SSBP2: variants seen among roughly 807,000 people sequenced by gnomAD.
The protein encoded by SSBP2 is single stranded DNA binding protein 2, also known as single-stranded DNA-binding protein 2.
SSBP2 carries 17 observed loss-of-function variants against 61.8 expected under a neutral mutation model. That is an observed-to-expected ratio of 0.28 (90% CI 0.19 to 0.41). The LOEUF (loss-of-function observed/expected upper bound fraction) is 0.41, where lower values mean the gene tolerates loss of function less well. SSBP2 is among the 10% of genes least tolerant of loss of function. The pLI is 1.00. For synonymous variants in SSBP2, 139 were observed against 141.3 expected, an observed-to-expected ratio of 0.98 and a Z score of 0.12; for missense variants, 310 against 458.7, an observed-to-expected ratio of 0.68 and a Z score of 2.96.
chr5:81,736,345 GA>G (rs1474609821), intron 1 of SSBP2, among the ~76,000 whole-genome samples: 1 of 152,120 alleles, frequency 6.6e-6, no homozygotes, highest in Non-Finnish European at 1.5e-5. Context: ...CACAGAGCAG[GA>G]TGCTGAAAAA....
At chr5:81,505,466 T>C (rs952111432) in intron 5 of SSBP2, among the ~76,000 whole-genome samples, 58 of 152,214 alleles carry the variant, frequency 3.8e-4, no homozygotes, top group Non-Finnish European at 3.5e-4. Context: ...AAATGCCTGT[T>C]CCTTATCTTT....
chr5:81,534,690 A>C lies in SSBP2; in HGVS notation c.283-20973T>G, dbSNP rs187694258. Among the ~76,000 whole-genome samples, 412 of 152,236 alleles carry C rather than the reference A, an allele frequency of 2.7e-3. 3 individuals carry two copies. The highest frequency in any genetic ancestry group is 9.5e-3 in the African/African-American group (393 of 41,558). On this transcript the variant is annotated intron_variant, in intron 4 of 16. Transcript: ENST00000320672. The stretch of plus-strand genomic sequence containing the variant: ...TCAAGAGAAAAAAGACTTAAGAAAC[A>C]CAACAGAATATCCAAGAACTGTGGA...
chr5:81,584,990 G>T (rs1286879412), intron 4 of SSBP2, among the ~76,000 whole-genome samples: 1 of 151,938 alleles, frequency 6.6e-6, no homozygotes, highest in Admixed American at 6.6e-5. Context: ...TAATAAAAGA[G>T]AAATACATAA....
At chr5:81,479,945 A>G (rs1369690322) in intron 6 of SSBP2, among the ~76,000 whole-genome samples, 4 of 152,088 alleles carry the variant, frequency 2.6e-5, no homozygotes, top group Non-Finnish European at 4.4e-5. Context: ...GTCATTTCCC[A>G]TTCCCCATGA....
chr5:81,597,081 G>A (rs1743831775), intron 4 of SSBP2, among the ~76,000 whole-genome samples: 1 of 151,712 alleles, frequency 6.6e-6, no homozygotes, highest in African/African-American at 2.4e-5. Context: ...CAGGCAACCT[G>A]AATGGGAGAA....
intron 2 of SSBP2, among the ~76,000 whole-genome samples, chr5:81,638,973 A>G (rs187827203): frequency 1.8e-4 from 27 of 152,256 alleles, no homozygotes; most frequent in African/African-American, 5.8e-4. Context: ...AGCTAACTCC[A>G]TTTTTGAGGT....
chr5:81,417,499 T>G lies in SSBP2; in HGVS notation c.*3005A>C, dbSNP rs1156566375. The stretch of plus-strand genomic sequence containing the variant: ...ATATGTTCAATGCAGCAAGAATTGC[T>G]GATATTATTACTGTGAGATGACGTG... On this transcript the variant is annotated 3_prime_UTR_variant, in exon 17 of 17. Coordinates refer to ENST00000320672, the MANE Select transcript of SSBP2 (RefSeq NM_012446.5). 2 of 152,250 alleles carry G rather than the reference T, an allele frequency of 1.3e-5. No homozygotes were observed. The highest frequency in any genetic ancestry group is 2.4e-5 in the African/African-American group (1 of 41,466). The allele number at this position is 152,250 out of a possible 1,614,324, so 9.4% of individuals were successfully genotyped here. A position where few individuals can be genotyped will look rare whatever the true frequency, so the allele number is the denominator to read the frequency against.
intron 4 of SSBP2, among the ~76,000 whole-genome samples, chr5:81,584,971 A>G (rs566047351): frequency 6.1e-4 from 93 of 152,266 alleles, no homozygotes; most frequent in African/African-American, 2.0e-3. Flanking sequence ...GTAGTTTAAG[A>G]TAAAGAAATA....
At chr5:81,594,667 T>C (rs1222764091) in intron 4 of SSBP2, among the ~76,000 whole-genome samples, 1 of 152,086 alleles carries the variant, frequency 6.6e-6, no homozygotes, top group Non-Finnish European at 1.5e-5. Context: ...GCAATCAAAC[T>C]AGAACTCAGG....
At chr5:81,739,127 T>C (rs1453812954) in intron 1 of SSBP2, among the ~76,000 whole-genome samples, 1 of 116,572 alleles carries the variant, frequency 8.6e-6, no homozygotes, top group Non-Finnish European at 1.6e-5. Flanking sequence ...ATCATACCAT[T>C]GCACTCCAGC....
At chr5:81,706,934 C>G (rs1186171484) in intron 1 of SSBP2, among the ~76,000 whole-genome samples, 5 of 152,076 alleles carry the variant, frequency 3.3e-5, no homozygotes, top group Non-Finnish European at 7.4e-5. Flanking sequence ...AGAGATTAGC[C>G]CCAAGAGAAG....
intron 1 of SSBP2, among the ~76,000 whole-genome samples, chr5:81,686,599 G>A (rs1752791444): frequency 6.6e-6 from 1 of 152,040 alleles, no homozygotes. Flanking sequence ...GCTCATGCCT[G>A]TAATCTCAGC....
intron 1 of SSBP2, among the ~76,000 whole-genome samples, chr5:81,736,859 T>C (rs1756657418): frequency 6.6e-6 from 1 of 152,204 alleles, no homozygotes; most frequent in Non-Finnish European, 1.5e-5. Flanking sequence ...TAATTTCCCA[T>C]CAAACTTTTG....
chr5:81,673,500 G>T (rs752377580), intron 1 of SSBP2, among the ~76,000 whole-genome samples: 1 of 152,102 alleles, frequency 6.6e-6, no homozygotes, highest in Non-Finnish European at 1.5e-5. Context: ...CATATGAAAA[G>T]ACAGGTTTTA....
At chr5:81,734,672 C>G (rs922246370) in intron 1 of SSBP2, among the ~76,000 whole-genome samples, 2 of 152,066 alleles carry the variant, frequency 1.3e-5, no homozygotes, top group East Asian at 3.9e-4. Flanking sequence ...TTCCAGTTCC[C>G]GAAAGAAAAA....
intron 4 of SSBP2, among the ~76,000 whole-genome samples, chr5:81,515,729 T>C (rs953862305): frequency 6.6e-6 from 1 of 151,806 alleles, no homozygotes; most frequent in Admixed American, 6.6e-5. Context: ...AGGTATATCA[T>C]ATGCTAGGTT....
intron 4 of SSBP2, among the ~76,000 whole-genome samples, chr5:81,586,044 A>G (rs189254733): frequency 2.6e-5 from 4 of 152,290 alleles, no homozygotes; most frequent in Admixed American, 2.6e-4. Context: ...CCACTCAACT[A>G]CTGACGGATA....
chr5:81,709,861 T>C (rs890617040), intron 1 of SSBP2, among the ~76,000 whole-genome samples: 3 of 152,018 alleles, frequency 2.0e-5, no homozygotes, highest in Non-Finnish European at 2.9e-5. Context: ...TTGCATGCTA[T>C]TTAGAAGTCA....
rs376150913 is a variant in SSBP2, at chr5:81,451,344, CTTTG to C, written c.688-2523_688-2520del. On this transcript the variant is annotated intron_variant, in intron 10 of 16. Transcript: ENST00000320672. The stretch of plus-strand genomic sequence containing the variant: ...ATATCCCAGATAGGAAAAAAAAAAA[CTTTG>C]TTTATTTCCAAAGGTAGCTTTTCTC... 6.1e-3 allele frequency among the ~76,000 whole-genome samples: 920 copies of C among 151,774 alleles called. 6 individuals carry two copies. The highest frequency in any genetic ancestry group is 0.02 in the African/African-American group (816 of 41,386).
Sources: allele counts gnomAD v4.1 joint callset (sites outside exome capture counted in the v4.1 genomes callset), GRCh38; gene constraint gnomAD v4.1.1; transcripts MANE v1.5; gene names NCBI Gene and HGNC (gene_info 2026-07-23, HGNC 2026-07-21).